RHOU: variants seen among roughly 807,000 people sequenced by gnomAD.
RHOU encodes the protein ras homolog family member U, also known as rho-related GTP-binding protein RhoU.
RHOU carries 8 observed loss-of-function variants against 12.6 expected under a neutral mutation model. The ratio of observed to expected loss-of-function variants is 0.64; its 90% confidence interval spans 0.37 to 1.15. RHOU has a LOEUF of 1.15. Among genes scored for constraint, RHOU ranks in the 50% most tolerant of loss-of-function variants. The probability of loss-of-function intolerance (pLI) is 0.01; values close to 1 mark genes in which losing one functional copy is unlikely to be tolerated. For missense variants in RHOU, 258 were observed against 347.0 expected (o/e 0.74, Z 2.04); for synonymous variants, 161 against 147.4 (o/e 1.09, Z -0.67).
the RHOU span, among the ~76,000 whole-genome samples, chr1:228,728,441 C>T: frequency 6.6e-6 from 1 of 152,176 alleles, no homozygotes; most frequent in Non-Finnish European, 1.5e-5. Flanking sequence ...ATGATACCCC[C>T]ATTAAAAATA....
chr1:228,667,492 G>C, the RHOU span, among the ~76,000 whole-genome samples: 1 of 152,216 alleles, frequency 6.6e-6, no homozygotes, highest in South Asian at 2.1e-4. Context: ...GCCAGAAGCA[G>C]TCGGGGATGT....
the RHOU span, among the ~76,000 whole-genome samples, chr1:228,706,470 T>C: frequency 1.7e-3 from 259 of 152,326 alleles, 2 homozygotes; most frequent in South Asian, 3.7e-3. Flanking sequence ...CAGCTTGGCA[T>C]CTGCCTTATT....
At chr1:228,668,894 C>A in the RHOU span, among the ~76,000 whole-genome samples, 1 of 152,178 alleles carries the variant, frequency 6.6e-6, no homozygotes, top group Non-Finnish European at 1.5e-5. Context: ...TCTGTCCTAT[C>A]GCAGACATGA....
At chr1:228,718,643 C>G in the RHOU span, among the ~76,000 whole-genome samples, 1 of 152,184 alleles carries the variant, frequency 6.6e-6, no homozygotes, top group Non-Finnish European at 1.5e-5. Flanking sequence ...AGGGAACTTT[C>G]TGAAAGGAGG....
the RHOU span, among the ~76,000 whole-genome samples, chr1:228,649,153 C>T: frequency 2.8e-3 from 431 of 152,336 alleles, 1 homozygote; most frequent in African/African-American, 9.8e-3. Context: ...GTGTGAGCCA[C>T]TGTGCCCACC....
At chr1:228,685,716 T>C in the RHOU span, among the ~76,000 whole-genome samples, 138 of 152,358 alleles carry the variant, frequency 9.1e-4, no homozygotes, top group Middle Eastern at 6.8e-3. Context: ...ATAGGTTAAA[T>C]GTATTTCTGT....
the RHOU span, among the ~76,000 whole-genome samples, chr1:228,697,569 G>A: frequency 6.6e-6 from 1 of 152,154 alleles, no homozygotes; most frequent in Non-Finnish European, 1.5e-5. Flanking sequence ...TGCTGAAATA[G>A]GTTTATCGTG....
At chr1:228,660,585 A>T in the RHOU span, among the ~76,000 whole-genome samples, 109 of 151,848 alleles carry the variant, frequency 7.2e-4, no homozygotes, top group African/African-American at 2.4e-3. Flanking sequence ...ATACCCTAGG[A>T]CTGTGAGGTG....
chr1:228,674,437 C>T, the RHOU span, among the ~76,000 whole-genome samples: 7 of 151,158 alleles, frequency 4.6e-5, no homozygotes, highest in African/African-American at 1.7e-4. Context: ...ACCTCTGCCT[C>T]CCAGGTTCAA....
chr1:228,728,716 G>A, the RHOU span, among the ~76,000 whole-genome samples: 7 of 152,088 alleles, frequency 4.6e-5, no homozygotes, highest in Admixed American at 2.6e-4. Context: ...TCACAAAAGT[G>A]AATGAAACAA....
the RHOU span, among the ~76,000 whole-genome samples, chr1:228,680,045 C>G: frequency 6.6e-6 from 1 of 152,050 alleles, no homozygotes; most frequent in Non-Finnish European, 1.5e-5. Context: ...AGAAGCCTGG[C>G]TGTCATAATC....
At chr1:228,735,178 G>T (rs1662569109), upstream of RHOU, 1 of 152,266 alleles carries the variant, frequency 6.6e-6, no homozygotes, top group African/African-American at 2.4e-5. This position sits in a 1 kb window ranked among gnomAD's most constrained non-coding sequence, Gnocchi z 8.1. Context: ...CACCCTCTTG[G>T]GAGCTGGGGA....
the RHOU span, among the ~76,000 whole-genome samples, chr1:228,672,027 C>T: frequency 6.6e-6 from 1 of 152,194 alleles, no homozygotes; most frequent in Non-Finnish European, 1.5e-5. Flanking sequence ...CACTGGTGCA[C>T]ATGCACACAA....
the RHOU span, among the ~76,000 whole-genome samples, chr1:228,700,846 G>A: frequency 6.6e-6 from 1 of 152,068 alleles, no homozygotes; most frequent in Non-Finnish European, 1.5e-5. Context: ...TAGCACTTTG[G>A]GAGACCGAGG....
the RHOU span, among the ~76,000 whole-genome samples, chr1:228,707,795 A>G: frequency 6.6e-6 from 1 of 152,368 alleles, no homozygotes; most frequent in African/African-American, 2.4e-5. Context: ...GCAACGGAAC[A>G]AAGCTGGACA....
At chr1:228,740,227 G>A (rs895743081) in intron 2 of RHOU, among the ~76,000 whole-genome samples, 5 of 152,136 alleles carry the variant, frequency 3.3e-5, no homozygotes, top group African/African-American at 1.2e-4. Flanking sequence ...AAAAACGAAG[G>A]TTTTGGTGCT....
At chr1:228,680,154 C>G in the RHOU span, among the ~76,000 whole-genome samples, 6 of 152,156 alleles carry the variant, frequency 3.9e-5, no homozygotes, top group South Asian at 2.1e-4. Context: ...TACTTACCCT[C>G]CACTGTGAGA....
the RHOU span, among the ~76,000 whole-genome samples, chr1:228,653,733 G>C: frequency 1.3e-5 from 2 of 152,146 alleles, no homozygotes; most frequent in African/African-American, 2.4e-5. Context: ...TGGAATTACA[G>C]GTGTGAGCCA....
At chr1:228,693,381 T>C in the RHOU span, among the ~76,000 whole-genome samples, 3 of 152,188 alleles carry the variant, frequency 2.0e-5, no homozygotes, top group Non-Finnish European at 4.4e-5. Context: ...CTATTTGAAG[T>C]GTGGTAAAGG....
Sources: allele counts gnomAD v4.1 joint callset (sites outside exome capture counted in the v4.1 genomes callset), GRCh38; gene constraint gnomAD v4.1.1; non-coding constraint Gnocchi (gnomAD v3.1); transcripts MANE v1.5; gene names NCBI Gene and HGNC (gene_info 2026-07-23, HGNC 2026-07-21).